The following FSTL4 variants were observed in gnomAD, a reference collection of about 807,000 sequenced individuals.
FSTL4 encodes the protein follistatin like 4.
A neutral mutation model predicts 78.2 loss-of-function variants in FSTL4; 28 were observed. The observed-to-expected ratio is 0.36, with a 90% confidence interval of 0.27 to 0.49. The LOEUF is 0.49. Ranked by LOEUF, FSTL4 falls within the 20% of genes least tolerant of loss-of-function variation. The probability of loss-of-function intolerance (pLI) is 0.98; values close to 1 mark genes in which losing one functional copy is unlikely to be tolerated. For synonymous variants in FSTL4, 422 were observed against 440.5 expected, an observed-to-expected ratio of 0.96 and a Z score of 0.53; for missense variants, 922 against 1,084.9, an observed-to-expected ratio of 0.85 and a Z score of 2.11.
chr5:133,821,937 A>G, the FSTL4 span, among the ~76,000 whole-genome samples: 3 of 152,154 alleles, frequency 2.0e-5, no homozygotes, highest in African/African-American at 4.8e-5. Flanking sequence ...TGGGAGCCCA[A>G]CGGGGGCACA....
chr5:133,317,911 C>T (rs1007650375), intron 4 of FSTL4, among the ~76,000 whole-genome samples: 22 of 152,346 alleles, frequency 1.4e-4, no homozygotes, highest in African/African-American at 5.3e-4. Context: ...AGGGAAGCTA[C>T]TGGGGGGAAA....
At chr5:133,573,926 A>G (rs1257672979) in intron 2 of FSTL4, among the ~76,000 whole-genome samples, 1 of 152,274 alleles carries the variant, frequency 6.6e-6, no homozygotes, top group African/African-American at 2.4e-5. Context: ...TACATGTGAA[A>G]AGTAATGCAA....
chr5:133,328,414 G>A (rs962439224), intron 4 of FSTL4, among the ~76,000 whole-genome samples: 19 of 152,190 alleles, frequency 1.2e-4, no homozygotes, highest in African/African-American at 4.6e-4. Flanking sequence ...TCCTATTAGA[G>A]AAAGCAAAAT....
At chr5:133,682,916 G>C in the FSTL4 span, among the ~76,000 whole-genome samples, 15 of 152,168 alleles carry the variant, frequency 9.9e-5, no homozygotes, top group Admixed American at 9.8e-4. Context: ...AGTAAGGCTT[G>C]TGTACAGTTA....
At chr5:133,298,812 G>A (rs1158687325) in intron 6 of FSTL4, among the ~76,000 whole-genome samples, 1 of 152,248 alleles carries the variant, frequency 6.6e-6, no homozygotes, top group Non-Finnish European at 1.5e-5. Flanking sequence ...AGTGCCCATG[G>A]CATCAGAACA....
the FSTL4 span, among the ~76,000 whole-genome samples, chr5:133,777,325 T>C: frequency 6.6e-6 from 1 of 152,132 alleles, no homozygotes; most frequent in Non-Finnish European, 1.5e-5. Flanking sequence ...TTATGTAAAA[T>C]GCATAAGGAA....
At chr5:133,512,033 C>T (rs144299305) in intron 3 of FSTL4, among the ~76,000 whole-genome samples, 30 of 152,320 alleles carry the variant, frequency 2.0e-4, no homozygotes, top group Non-Finnish European at 3.2e-4. Flanking sequence ...TCCCTTATTG[C>T]CCCTCATGTA....
intron 6 of FSTL4, among the ~76,000 whole-genome samples, chr5:133,312,174 C>T (rs1412049251): frequency 6.6e-6 from 1 of 152,172 alleles, no homozygotes; most frequent in Non-Finnish European, 1.5e-5. Flanking sequence ...GATCCCCTGC[C>T]TCTCTTCACA....
chr5:133,346,177 G>A (rs1754694734), intron 4 of FSTL4, among the ~76,000 whole-genome samples: 1 of 152,132 alleles, frequency 6.6e-6, no homozygotes, highest in African/African-American at 2.4e-5. Context: ...TTACTCATAA[G>A]TGGGAGTTGA....
chr5:133,696,342 G>A, the FSTL4 span, among the ~76,000 whole-genome samples: 1 of 152,218 alleles, frequency 6.6e-6, no homozygotes, highest in East Asian at 1.9e-4. Flanking sequence ...CCGAAGCCCT[G>A]TGACCATCCT....
At chr5:133,606,103 T>C (rs17642974) in intron 1 of FSTL4, among the ~76,000 whole-genome samples, 35,888 of 152,072 alleles carry the variant, frequency 0.24, 4,465 homozygotes, top group Admixed American at 0.33. Context: ...TAAAAATGTC[T>C]TCCCCTAACT....
chr5:133,714,852 G>A, the FSTL4 span, among the ~76,000 whole-genome samples: 1,563 of 152,322 alleles, frequency 0.01, 32 homozygotes, highest in African/African-American at 0.035. Context: ...GCTAATAACC[G>A]GCAAGGAGGC....
intron 4 of FSTL4, among the ~76,000 whole-genome samples, chr5:133,360,772 CA>C (rs949640417): frequency 1.3e-5 from 2 of 152,156 alleles, no homozygotes; most frequent in Non-Finnish European, 2.9e-5. Flanking sequence ...CATTACCCTT[CA>C]AAAATAATAA....
chr5:133,723,287 G>A, the FSTL4 span, among the ~76,000 whole-genome samples: 1 of 152,208 alleles, frequency 6.6e-6, no homozygotes, highest in Non-Finnish European at 1.5e-5. Flanking sequence ...AGGGCAGGAG[G>A]GCAGCAATTG....
the FSTL4 span, among the ~76,000 whole-genome samples, chr5:133,840,980 G>A: frequency 1.3e-5 from 2 of 152,232 alleles, no homozygotes; most frequent in Non-Finnish European, 2.9e-5. Flanking sequence ...AGGGGATGGA[G>A]ACCTCCTCAT....
chr5:133,607,680 G>A (rs1462180713), intron 1 of FSTL4, among the ~76,000 whole-genome samples: 1 of 152,156 alleles, frequency 6.6e-6, no homozygotes, highest in Non-Finnish European at 1.5e-5. Context: ...TTAGTATAAT[G>A]GGGAAAATCT....
the FSTL4 span, among the ~76,000 whole-genome samples, chr5:133,690,287 C>T: frequency 1.3e-5 from 2 of 152,086 alleles, no homozygotes; most frequent in Non-Finnish European, 2.9e-5. Context: ...ATCTGCCTGC[C>T]CAGCCTTCTC....
the FSTL4 span, among the ~76,000 whole-genome samples, chr5:133,805,501 T>A: frequency 6.6e-6 from 1 of 152,144 alleles, no homozygotes; most frequent in East Asian, 1.9e-4. Context: ...GTATCCAGAG[T>A]GGTGAGAGGA....
At chr5:133,503,948 A>C (rs1212351151) in intron 3 of FSTL4, among the ~76,000 whole-genome samples, 1 of 152,200 alleles carries the variant, frequency 6.6e-6, no homozygotes, top group East Asian at 1.9e-4. Context: ...AGGGGAAGAA[A>C]ACATGTCCTT....
Sources: gnomAD v4.1 joint callset for allele counts (sites outside exome capture counted in the v4.1 genomes callset) on GRCh38, gnomAD v4.1.1 for gene constraint, MANE v1.5 for transcripts, NCBI Gene and HGNC (gene_info 2026-07-23, HGNC 2026-07-21) for gene names.